The following CDH13 variants were observed in gnomAD, a reference collection of about 807,000 sequenced individuals.
The protein encoded by CDH13 is cadherin 13.
In CDH13, 24 loss-of-function variants were observed where a neutral mutation model predicts 63.8. The observed-to-expected ratio is 0.38, with a 90% CI of 0.27 to 0.53. The LOEUF is 0.53. Among genes scored for constraint, CDH13 ranks in the 20% least tolerant of loss-of-function variants. The pLI, the probability that CDH13 is intolerant of heterozygous loss-of-function variation, is 0.85. For missense variants in CDH13, 1,049 were observed against 903.1 expected (o/e 1.16, Z -2.07); for synonymous variants, 503 against 355.3 (o/e 1.42, Z -4.67).
chr16:83,220,726 C>T (rs902462363), intron 5 of CDH13, among the ~76,000 whole-genome samples: 1 of 150,324 alleles, frequency 6.7e-6, no homozygotes, highest in Non-Finnish European at 1.5e-5. Flanking sequence ...ATAATAGCGC[C>T]AATGTTTCTG....
At chr16:83,209,671 G>A (rs8060801) in intron 4 of CDH13, among the ~76,000 whole-genome samples, 143,208 of 152,104 alleles carry the variant, frequency 0.94, 67,689 homozygotes, top group East Asian at 1. Context: ...CAAGCCCTGG[G>A]AATGTGAAAG....
At chr16:83,397,653 C>G (rs151136512) in intron 6 of CDH13, among the ~76,000 whole-genome samples, 1,836 of 152,270 alleles carry the variant, frequency 0.012, 19 homozygotes, top group Middle Eastern at 0.078. Flanking sequence ...TGAAGAGTTG[C>G]TTATTTGATA....
intron 6 of CDH13, among the ~76,000 whole-genome samples, chr16:83,384,728 G>A (rs978696586): frequency 2.6e-5 from 4 of 152,232 alleles, no homozygotes; most frequent in Non-Finnish European, 4.4e-5. Context: ...AAGGCCTCAT[G>A]TGGATCAATG....
chr16:83,586,388 T>G (rs1430384152), intron 7 of CDH13, among the ~76,000 whole-genome samples: 1 of 152,218 alleles, frequency 6.6e-6, no homozygotes, highest in African/African-American at 2.4e-5. Flanking sequence ...AGAGACTCCG[T>G]TTATTGTTAT....
At chr16:83,137,664 A>G (rs1284504849) in intron 4 of CDH13, among the ~76,000 whole-genome samples, 1 of 152,154 alleles carries the variant, frequency 6.6e-6, no homozygotes, top group Non-Finnish European at 1.5e-5. Flanking sequence ...ATTAAGAGAT[A>G]TCACTGCCCG....
At chr16:83,730,705 G>C (rs1389876541) in intron 10 of CDH13, among the ~76,000 whole-genome samples, 2 of 152,096 alleles carry the variant, frequency 1.3e-5, no homozygotes, top group African/African-American at 4.8e-5. Flanking sequence ...TCCATGGGCA[G>C]GTTTATTACC....
At chr16:83,279,533 G>A (rs1297178656) in intron 5 of CDH13, among the ~76,000 whole-genome samples, 1 of 152,126 alleles carries the variant, frequency 6.6e-6, no homozygotes. Flanking sequence ...CTAAAAATGG[G>A]TATTAAATCT....
chr16:82,767,455 A>G (rs2035097891), intron 1 of CDH13, among the ~76,000 whole-genome samples: 1 of 152,192 alleles, frequency 6.6e-6, no homozygotes, highest in South Asian at 2.1e-4. Context: ...GGATCCTTGC[A>G]TGTTGTTGCA....
At chr16:83,013,386 C>T (rs1240628308) in intron 2 of CDH13, among the ~76,000 whole-genome samples, 2 of 152,182 alleles carry the variant, frequency 1.3e-5, no homozygotes, top group African/African-American at 4.8e-5. Context: ...CTGGATTCAG[C>T]ATCTCAGTTA....
chr16:83,563,217 A>G (rs2075738209), intron 7 of CDH13, among the ~76,000 whole-genome samples: 1 of 152,272 alleles, frequency 6.6e-6, no homozygotes, highest in Admixed American at 6.5e-5. Context: ...AGTCTCCAAC[A>G]GAGCCTAATA....
intron 2 of CDH13, among the ~76,000 whole-genome samples, chr16:82,924,987 C>T (rs534235877): frequency 1.8e-4 from 28 of 152,202 alleles, no homozygotes; most frequent in African/African-American, 5.5e-4. Flanking sequence ...ACTTTAGAAC[C>T]GTATACGAAT....
At chr16:83,609,628 C>A (rs1280352398) in intron 8 of CDH13, among the ~76,000 whole-genome samples, 1 of 152,184 alleles carries the variant, frequency 6.6e-6, no homozygotes, top group African/African-American at 2.4e-5. Flanking sequence ...TTATTTGAGG[C>A]AGAATGATGT....
chr16:83,682,674 G>A (rs564163997), intron 10 of CDH13, among the ~76,000 whole-genome samples: 11 of 151,886 alleles, frequency 7.2e-5, no homozygotes, highest in African/African-American at 2.7e-4. Context: ...CTGTCTCTTT[G>A]CCTGTCTGTC....
chr16:82,827,646 A>G (rs2038318152), intron 1 of CDH13, among the ~76,000 whole-genome samples: 1 of 152,158 alleles, frequency 6.6e-6, no homozygotes, highest in African/African-American at 2.4e-5. Context: ...GAAAGTCACT[A>G]TTGTTGGTAA....
At chr16:83,307,254 C>T (rs2151882153) in intron 5 of CDH13, among the ~76,000 whole-genome samples, 1 of 152,272 alleles carries the variant, frequency 6.6e-6, no homozygotes, top group South Asian at 2.1e-4. Flanking sequence ...AATTCTAGTT[C>T]CCTGGAAAGC....
chr16:83,221,980 T>A (rs988451904), intron 5 of CDH13, among the ~76,000 whole-genome samples: 9 of 152,224 alleles, frequency 5.9e-5, no homozygotes, highest in Admixed American at 5.9e-4. Context: ...GTTCCCAAGA[T>A]GTATTTTTAC....
chr16:83,663,538 A>C (rs1314391480), intron 8 of CDH13, among the ~76,000 whole-genome samples: 2 of 152,118 alleles, frequency 1.3e-5, no homozygotes, highest in African/African-American at 2.4e-5. Context: ...TATTCTTGAG[A>C]CAAAATAACC....
chr16:83,224,750 TG>T (rs1448560911), intron 5 of CDH13, among the ~76,000 whole-genome samples: 1 of 152,236 alleles, frequency 6.6e-6, no homozygotes, highest in Admixed American at 6.5e-5. Flanking sequence ...TCTCAGCCTC[TG>T]TTTTCTCATT....
intron 6 of CDH13, among the ~76,000 whole-genome samples, chr16:83,390,404 G>A (rs1194348704): frequency 6.6e-6 from 1 of 152,016 alleles, no homozygotes; most frequent in Non-Finnish European, 1.5e-5. Flanking sequence ...GGGCCCTGGA[G>A]CAGTAGATCT....
Sources: allele counts gnomAD v4.1 joint callset (sites outside exome capture counted in the v4.1 genomes callset), GRCh38; gene constraint gnomAD v4.1.1; transcripts MANE v1.5; gene names NCBI Gene and HGNC (gene_info 2026-07-23, HGNC 2026-07-21).